Variants in DAB2 observed in about 807,000 individuals in gnomAD.
DAB2 encodes DAB adaptor protein 2.
A neutral mutation model predicts 71.6 loss-of-function variants in DAB2; 28 were observed. The observed-to-expected ratio is 0.39, with a 90% CI of 0.29 to 0.54. DAB2 has a LOEUF of 0.54. Among genes scored for constraint, DAB2 ranks in the 20% least tolerant of loss-of-function variants. DAB2 has a pLI of 0.68. For missense variants in DAB2, 867 were observed against 928.8 expected (o/e 0.93, Z 0.86); for synonymous variants, 345 against 339.7 (o/e 1.02, Z -0.17).
chr5:39,404,532 G>A (rs912147890), intron 1 of DAB2, among the ~76,000 whole-genome samples: 1 of 148,836 alleles, frequency 6.7e-6, no homozygotes, highest in African/African-American at 2.5e-5. Context: ...CTTCAAAGAA[G>A]CTTTATGCAT....
Position 39,383,242 on chromosome 5 carries a change from T to C in DAB2, c.717A>G (p.Leu239=), listed in dbSNP as rs1420401343. 2 of 1,612,560 alleles carry C rather than the reference T, an allele frequency of 1.2e-6. No homozygotes were observed. Among genetic ancestry groups the C allele is most frequent in the Admixed American group, 3.3e-5 (2 of 59,970 alleles). ...TCTGATTGGTGTCGATTTCAGAGTTTAGATCCACTAACAGGATATCTTTGC... is the reference window on the plus strand; with the variant it reads ...TCTGATTGGTGTCGATTTCAGAGTTCAGATCCACTAACAGGATATCTTTGC... ...TESKDILLVD[L]NSEIDTNQNS... The change falls in exon 10 of 15, where the codon CTA becomes CTG. Residue 239 remains leucine, a synonymous_variant. Coordinates refer to ENST00000320816, the MANE Select transcript of DAB2 (RefSeq NM_001343.4).
chr5:39,408,961 A>G (rs1755663809), intron 1 of DAB2: 1 of 152,154 alleles, frequency 6.6e-6, no homozygotes, highest in African/African-American at 2.4e-5. Context: ...AATGGATAAG[A>G]AACCCCTGGG....
At chr5:39,383,297 A>AT in intron 9 of DAB2, 26 bp from the exon 10 acceptor site, 1 of 1,531,252 alleles carries the variant, frequency 6.5e-7, no homozygotes. Context: ...AGAAAAAAAA[A>AT]GAAAGTGTTA....
At chr5:39,387,174 G>A (rs1176120628) in intron 9 of DAB2, among the ~76,000 whole-genome samples, 1 of 152,078 alleles carries the variant, frequency 6.6e-6, no homozygotes, top group African/African-American at 2.4e-5. Flanking sequence ...GGATTCACAG[G>A]CCTCAAATTC....
At chr5:39,395,339 C>A (rs757560219) in intron 1 of DAB2, among the ~76,000 whole-genome samples, 1 of 152,150 alleles carries the variant, frequency 6.6e-6, no homozygotes, top group Non-Finnish European at 1.5e-5. Flanking sequence ...GTTAAGACAA[C>A]CTGTGGGCTG....
chr5:39,419,509 AG>A (rs35062435), intron 1 of DAB2, among the ~76,000 whole-genome samples: 1 of 152,246 alleles, frequency 6.6e-6, no homozygotes, highest in Non-Finnish European at 1.5e-5. Flanking sequence ...AATGGGAGAA[AG>A]GAGCAGTGCT....
chr5:39,393,938 AATG>A (rs1277443180), intron 2 of DAB2, among the ~76,000 whole-genome samples: 2 of 152,232 alleles, frequency 1.3e-5, no homozygotes, highest in Admixed American at 1.3e-4. Flanking sequence ...TAAATAACTG[AATG>A]ATAACCATAT....
At chr5:39,413,166 GACAGTTGC>G (rs1755770554) in intron 1 of DAB2, among the ~76,000 whole-genome samples, 1 of 152,104 alleles carries the variant, frequency 6.6e-6, no homozygotes, top group Non-Finnish European at 1.5e-5. Flanking sequence ...TCTGCAGTAT[GACAGTTGC>G]ACAGACTTGC....
chr5:39,376,583 C>T, intron 12 of DAB2, 67 bp downstream of exon 12: 1 of 1,553,348 alleles, frequency 6.4e-7, no homozygotes. Context: ...ATTTGGGGAA[C>T]TCATTTAGGT....
At chr5:39,411,002 G>C (rs1755716566) in intron 1 of DAB2, among the ~76,000 whole-genome samples, 1 of 152,100 alleles carries the variant, frequency 6.6e-6, no homozygotes, top group Admixed American at 6.6e-5. Context: ...AACACTGGGA[G>C]ACTTTCCCAG....
chr5:39,380,365 A>T (rs1754948592), intron 11 of DAB2, among the ~76,000 whole-genome samples: 1 of 152,208 alleles, frequency 6.6e-6, no homozygotes, highest in South Asian at 2.1e-4. Flanking sequence ...CCTTTGTAGG[A>T]AAACAACAGA....
intron 1 of DAB2, among the ~76,000 whole-genome samples, chr5:39,397,985 A>G (rs1755406720): frequency 6.6e-6 from 1 of 152,164 alleles, no homozygotes. Flanking sequence ...TCATCAATGC[A>G]TGTGTTGATA....
Position 39,421,616 on chromosome 5 carries a change from T to A in DAB2, c.-102+3188A>T, listed in dbSNP as rs145701119. On this transcript the variant is annotated intron_variant, in intron 1 of 14. Coordinates refer to ENST00000320816, the MANE Select transcript of DAB2 (RefSeq NM_001343.4). ...TGTGTCCGTACCAGTCATCATTTGT[T>A]CCCCTAACCAGGAATTTGCTTGTTT... 4.3e-3 allele frequency among the ~76,000 whole-genome samples: 656 copies of A among 152,298 alleles called. 3 individuals are homozygous for A. The highest frequency in any genetic ancestry group is 0.014 in the African/African-American group (582 of 41,564).
chr5:39,377,608 C>T (rs1754863949), intron 11 of DAB2, among the ~76,000 whole-genome samples: 1 of 152,174 alleles, frequency 6.6e-6, no homozygotes, highest in Non-Finnish European at 1.5e-5. Context: ...CACTAGTTGT[C>T]TGATACATCT....
intron 4 of DAB2, among the ~76,000 whole-genome samples, 189 bp from the exon 5 acceptor site, chr5:39,390,764 A>G (rs1755207723): frequency 6.6e-6 from 1 of 152,200 alleles, no homozygotes; most frequent in Admixed American, 6.5e-5. Context: ...AGAAAGAAGA[A>G]TAGAAAACGT....
intron 1 of DAB2, among the ~76,000 whole-genome samples, chr5:39,407,590 G>A (rs986297587): frequency 8.5e-5 from 13 of 152,220 alleles, no homozygotes; most frequent in Admixed American, 5.9e-4. Flanking sequence ...TCTCATCCCC[G>A]TATGAAATAA....
chr5:39,394,414 A>C lies in DAB2; in HGVS notation c.-94T>G. ...AAGTCTCAAATAAACATAACCTCCCACAGACACCTGTAGGCAGAGTTTAGA... is the reference window on the plus strand; with the variant it reads ...AAGTCTCAAATAAACATAACCTCCCCCAGACACCTGTAGGCAGAGTTTAGA... On this transcript the variant is annotated 5_prime_UTR_variant, in exon 2 of 15. Coordinates refer to ENST00000320816, the MANE Select transcript of DAB2 (RefSeq NM_001343.4). The C allele has an allele frequency of 3.2e-6, 3 of 924,268 alleles. No homozygotes were observed. The highest frequency in any genetic ancestry group is 5.4e-6 in the Non-Finnish European group (3 of 557,408). 57.3% of individuals were successfully genotyped at this position (924,268 alleles called of 1,614,324 possible).
At chr5:39,420,480 A>G (rs1755954810) in intron 1 of DAB2, among the ~76,000 whole-genome samples, 1 of 152,130 alleles carries the variant, frequency 6.6e-6, no homozygotes, top group African/African-American at 2.4e-5. Context: ...GCCCTCATAC[A>G]TTGTTTACCT....
intron 6 of DAB2, among the ~76,000 whole-genome samples, chr5:39,389,468 A>G (rs1208297200): frequency 6.6e-6 from 1 of 152,174 alleles, no homozygotes; most frequent in Non-Finnish European, 1.5e-5. Context: ...ATTTTCAGAT[A>G]GACCATATTT....
Sources: allele counts gnomAD v4.1 joint callset (sites outside exome capture counted in the v4.1 genomes callset), GRCh38; gene constraint gnomAD v4.1.1; transcripts MANE v1.5; gene names NCBI Gene and HGNC (gene_info 2026-07-23, HGNC 2026-07-21).